Variants in CDK5RAP2 observed in about 807,000 individuals in gnomAD.
CDK5RAP2 encodes CDK5 regulatory subunit-associated protein 2.
A neutral mutation model predicts 232.9 loss-of-function variants in CDK5RAP2; 147 were observed. The observed-to-expected ratio is 0.63, with a 90% CI of 0.55 to 0.72. CDK5RAP2 has a LOEUF of 0.72. Among genes scored for constraint, CDK5RAP2 ranks in the 30% least tolerant of loss-of-function variants. CDK5RAP2 has a pLI of 0.00. For missense variants in CDK5RAP2, 2,195 were observed against 2,231.5 expected, an observed-to-expected ratio of 0.98 and a Z score of 0.33; for synonymous variants, 833 against 833.7, an observed-to-expected ratio of 1.00 and a Z score of 0.01.
intron 28 of CDK5RAP2, among the ~76,000 whole-genome samples, chr9:120,414,718 G>A (rs2034104105): frequency 1.3e-5 from 2 of 152,188 alleles, no homozygotes; most frequent in Admixed American, 1.3e-4. Context: ...CTGTGTTTAT[G>A]CAGGAATATG....
At chr9:120,408,913 C>T (rs2033664669) in intron 30 of CDK5RAP2, among the ~76,000 whole-genome samples, 2 of 152,268 alleles carry the variant, frequency 1.3e-5, no homozygotes, top group Admixed American at 1.3e-4. Context: ...CCCTGACTCA[C>T]CCTTGACAAA....
At chr9:120,445,199 C>CCATAGCTCTCATAT (rs1448068637) in intron 22 of CDK5RAP2, among the ~76,000 whole-genome samples, 1 of 152,166 alleles carries the variant, frequency 6.6e-6, no homozygotes, top group African/African-American at 2.4e-5. Flanking sequence ...CATTTCTTTC[C>CCATAGCTCTCATAT]CATAGCTCTC....
Position 120,453,816 on chromosome 9 carries a change from C to T in CDK5RAP2, c.2433G>A (p.Glu811=), listed in dbSNP as rs193038447. 6.8e-6 allele frequency: 11 copies of T among 1,614,230 alleles called. No individual in the cohort carries two copies. The Admixed American group carries it at 1.7e-4, about 24-fold the overall frequency. Residue 811 remains glutamate (E), a synonymous_variant, in exon 21 of 38, where the codon GAG becomes GAA. Coordinates refer to ENST00000349780, the MANE Select transcript of CDK5RAP2 (RefSeq NM_018249.6). ...ELLLGQLFLT[E]QEVSGEHLDG... is the part of the protein sequence containing the mutation. Reference sequence around the variant, plus strand: ...CAAGGTGTTCTCCAGAAACTTCCTGCTCTGTCAAGAATAGTTGTCCCAGAA... The same window carrying T: ...CAAGGTGTTCTCCAGAAACTTCCTGTTCTGTCAAGAATAGTTGTCCCAGAA...
chr9:120,408,149 G>A (rs978865547), intron 31 of CDK5RAP2, 198 bp downstream of exon 31: 6 of 678,898 alleles, frequency 8.8e-6, no homozygotes, highest in South Asian at 1.7e-5. Flanking sequence ...CCTGGGTGCT[G>A]AGCCTCAGTC....
At position 120,467,988 on chromosome 9, in the gene CDK5RAP2, G is replaced by C. The variant is rs1362726920; in HGVS notation, c.1978C>G (p.Leu660Val). 6.2e-7 allele frequency: 1 copy of C among 1,614,026 alleles called. No individual in the cohort carries two copies. ...QEELKKKVSD[L>V]IQLVKELYTD... ...TACAGCTCCTTCACTAGCTGTATAA[G>C]GTCACTGACCTAGGAGGTAAGAACA... Residue 660 changes from leucine to valine, a missense_variant, in exon 18 of 38, where the codon CTT becomes GTT. Transcript: ENST00000349780.
In CDK5RAP2 at chr9:120,545,788, G is replaced by T; in HGVS notation, c.309C>A (p.Asn103Lys). The T allele has an allele frequency of 1.2e-6, 2 of 1,612,198 alleles. No homozygotes were observed. The highest frequency in any genetic ancestry group is 2.2e-5 in the South Asian group (2 of 91,050). ...HGPTEHIYKT[N>K]IELKVEVESL... ...TTTCTACTTCCACCTTGAGCTCAAT[G>T]TTCTACAAAACAAGATTAAGAAAGA... Residue 103 changes from asparagine (N) to lysine (K), a missense_variant and splice_region_variant, in exon 5 of 38, where the codon AAC (asparagine) becomes AAA (lysine). Coordinates refer to ENST00000349780, the MANE Select transcript of CDK5RAP2 (RefSeq NM_018249.6).
intron 14 of CDK5RAP2, among the ~76,000 whole-genome samples, chr9:120,479,678 A>C (rs1380992294): frequency 1.3e-5 from 2 of 152,264 alleles, no homozygotes; most frequent in African/African-American, 4.8e-5. Context: ...TGGCCCAGGC[A>C]CTTCAAAAGT....
At chr9:120,503,963 C>T (rs1254936941) in intron 12 of CDK5RAP2, among the ~76,000 whole-genome samples, 1 of 152,118 alleles carries the variant, frequency 6.6e-6, no homozygotes, top group Non-Finnish European at 1.5e-5. Context: ...CACAGAGCAC[C>T]TGGGAGATGA....
chr9:120,537,052 T>C (rs2041424763), intron 6 of CDK5RAP2, among the ~76,000 whole-genome samples: 3 of 151,800 alleles, frequency 2.0e-5, no homozygotes, highest in African/African-American at 7.3e-5. Context: ...ATCTAAATCA[T>C]GCAGGCAGTG....
intron 12 of CDK5RAP2, among the ~76,000 whole-genome samples, chr9:120,492,175 A>C (rs557241845): frequency 5.3e-4 from 81 of 152,336 alleles, no homozygotes; most frequent in Middle Eastern, 3.4e-3. Flanking sequence ...TATTCATAAT[A>C]GCAAAAGGCT....
At chr9:120,505,222 T>C (rs1164947878) in intron 12 of CDK5RAP2, among the ~76,000 whole-genome samples, 1 of 152,238 alleles carries the variant, frequency 6.6e-6, no homozygotes, top group East Asian at 1.9e-4. Flanking sequence ...TTGGTAATTC[T>C]TGCAATATGT....
intron 12 of CDK5RAP2, among the ~76,000 whole-genome samples, chr9:120,498,790 G>T (rs1158671747): frequency 1.3e-5 from 2 of 151,894 alleles, no homozygotes; most frequent in East Asian, 3.9e-4. Context: ...GAAGCCCAAG[G>T]CAGGAGGATC....
chr9:120,518,392 T>C (rs1311154701), intron 12 of CDK5RAP2, 35 bp downstream of exon 12: 1 of 1,566,408 alleles, frequency 6.4e-7, no homozygotes, highest in Admixed American at 1.7e-5. Flanking sequence ...CCAAAAGCAC[T>C]GTCCACTGTG....
Position 120,388,898 on chromosome 9 carries a change from G to A in CDK5RAP2, c.*338C>T, listed in dbSNP as rs2031645905. The A allele has an allele frequency of 5.4e-6, 2 of 373,066 alleles. No individual in the cohort carries two copies. The highest frequency in any genetic ancestry group is 2.0e-5 in the African/African-American group (1 of 48,880). 23.1% of individuals were successfully genotyped at this position (373,066 alleles called of 1,614,324 possible). ...GGTGAAATGAAATGAATCATTTAATGAGAATCTTCAAACTGTGGCACTGGC... is the reference window on the plus strand; with the variant it reads ...GGTGAAATGAAATGAATCATTTAATAAGAATCTTCAAACTGTGGCACTGGC... On this transcript the variant is annotated 3_prime_UTR_variant, in exon 38 of 38. Coordinates refer to ENST00000349780, the MANE Select transcript of CDK5RAP2 (RefSeq NM_018249.6).
chr9:120,566,553 C>G (rs2042652739), intron 3 of CDK5RAP2, among the ~76,000 whole-genome samples: 2 of 152,162 alleles, frequency 1.3e-5, no homozygotes, highest in African/African-American at 4.8e-5. Context: ...ATAACAATAA[C>G]AGTAAGAAAA....
intron 11 of CDK5RAP2, among the ~76,000 whole-genome samples, chr9:120,519,173 C>CAA (rs765274307): frequency 4.1e-5 from 4 of 97,278 alleles, no homozygotes; most frequent in African/African-American, 7.4e-5. Context: ...GACTCCGTCT[C>CAA]AAAAAAAAAA....
chr9:120,440,262 T>G (rs1351166830), intron 23 of CDK5RAP2: 2 of 445,180 alleles, frequency 4.5e-6, no homozygotes, highest in Admixed American at 3.5e-5. Context: ...ACACACCCCC[T>G]AAAATTCATC....
chr9:120,518,728 G>C, intron 11 of CDK5RAP2, 83 bp from the exon 12 acceptor site: 4 of 1,074,670 alleles, frequency 3.7e-6, no homozygotes, highest in Non-Finnish European at 5.7e-6. Context: ...CTTTTTCGCC[G>C]TGGGGGAAAA....
At chr9:120,499,787 C>A (rs2039489783) in intron 12 of CDK5RAP2, among the ~76,000 whole-genome samples, 1 of 152,106 alleles carries the variant, frequency 6.6e-6, no homozygotes. Flanking sequence ...ACAGTCATGG[C>A]AATATATTAA....
Sources: allele counts gnomAD v4.1 joint callset (sites outside exome capture counted in the v4.1 genomes callset), GRCh38; gene constraint gnomAD v4.1.1; transcripts MANE v1.5; gene names NCBI Gene and HGNC (gene_info 2026-07-23, HGNC 2026-07-21).